The following ASXL3 variants were observed in gnomAD, a reference collection of about 807,000 sequenced individuals.
ASXL3 encodes the protein putative Polycomb group protein ASXL3.
ASXL3 carries 34 observed loss-of-function variants against 170.6 expected under a neutral mutation model. That is an observed-to-expected ratio of 0.20 (90% CI 0.15 to 0.27). The LOEUF (loss-of-function observed/expected upper bound fraction) is 0.27. Among genes scored for constraint, ASXL3 ranks in the 10% least tolerant of loss-of-function variants. The probability of loss-of-function intolerance (pLI) is 1.00; values close to 1 mark genes in which losing one functional copy is unlikely to be tolerated. For synonymous variants in ASXL3, 1,002 were observed against 989.1 expected, an observed-to-expected ratio of 1.01 and a Z score of -0.24; for missense variants, 2,592 against 2,695.3, an observed-to-expected ratio of 0.96 and a Z score of 0.85.
At chr18:33,668,799 G>A (rs549437804) in intron 5 of ASXL3, among the ~76,000 whole-genome samples, 6 of 152,098 alleles carry the variant, frequency 3.9e-5, no homozygotes, top group African/African-American at 1.4e-4. Flanking sequence ...TACCACAAAT[G>A]CTCTAAAAAG....
At chr18:33,584,964 A>G (rs1408928419) in intron 1 of ASXL3, among the ~76,000 whole-genome samples, 1 of 151,722 alleles carries the variant, frequency 6.6e-6, no homozygotes, top group Non-Finnish European at 1.5e-5. Context: ...AAAAAACAAT[A>G]TGGGTGTTTA....
rs2067694264 is a variant in ASXL3 at position 33,743,151 on chromosome 18, C to T, written c.3303C>T (p.His1101=). 2 of 1,613,814 alleles carry T rather than the reference C, an allele frequency of 1.2e-6. No homozygotes were observed. The highest frequency in any genetic ancestry group is 1.1e-5 in the South Asian group (1 of 91,084). ...GTGGAAAGACGAGAACTCTGGCACACATCAAAGAGCAGACAAAGGCTAAGC... is the reference window on the plus strand; with the variant it reads ...GTGGAAAGACGAGAACTCTGGCACATATCAAAGAGCAGACAAAGGCTAAGC... The part of the protein sequence containing the change: ...GEGGKTRTLA[H]IKEQTKAKLF... The change falls in exon 12 of 12, where the codon CAC becomes CAT. Residue 1101 remains histidine, a synonymous_variant. Coordinates refer to ENST00000269197, the MANE Select transcript of ASXL3 (RefSeq NM_030632.3).
At chr18:33,622,809 A>G (rs1416085858) in intron 2 of ASXL3, among the ~76,000 whole-genome samples, 3 of 152,166 alleles carry the variant, frequency 2.0e-5, no homozygotes, top group Admixed American at 6.6e-5. Context: ...ATACACTTGC[A>G]CTGAGCTGAA....
chr18:33,687,683 A>G (rs1385862777), intron 8 of ASXL3, among the ~76,000 whole-genome samples: 3 of 152,046 alleles, frequency 2.0e-5, no homozygotes, highest in African/African-American at 4.8e-5. Context: ...GTTTTCCTAT[A>G]TTTGTACTTC....
At chr18:33,700,479 T>C (rs1187652899) in intron 8 of ASXL3, among the ~76,000 whole-genome samples, 1 of 151,812 alleles carries the variant, frequency 6.6e-6, no homozygotes, top group African/African-American at 2.4e-5. Context: ...AAAGTAGATA[T>C]CAGGATCATG....
chr18:33,699,716 G>A (rs552341339), intron 8 of ASXL3, among the ~76,000 whole-genome samples: 21 of 152,154 alleles, frequency 1.4e-4, no homozygotes, highest in Admixed American at 7.9e-4. Context: ...ACAAAATGGA[G>A]CATTAGATCT....
chr18:33,661,440 A>C (rs1324399094), intron 4 of ASXL3, among the ~76,000 whole-genome samples, 176 bp from the exon 5 acceptor site: 1 of 152,172 alleles, frequency 6.6e-6, no homozygotes, highest in Non-Finnish European at 1.5e-5. Context: ...AATTGCGGCC[A>C]CACAGTTATT....
At chr18:33,586,782 C>T (rs1599370493) in intron 1 of ASXL3, among the ~76,000 whole-genome samples, 1 of 152,150 alleles carries the variant, frequency 6.6e-6, no homozygotes, top group East Asian at 1.9e-4. Flanking sequence ...TGTCTGTCTT[C>T]ATGTATTGTG....
chr18:33,578,743 G>T (rs2064967754), intron 1 of ASXL3, 58 bp downstream of exon 1: 1 of 1,061,712 alleles, frequency 9.4e-7, no homozygotes. Context: ...CGCTCGCCCC[G>T]CGCCGGTCCG....
chr18:33,684,930 T>C (rs572689610), intron 8 of ASXL3, among the ~76,000 whole-genome samples: 1 of 152,062 alleles, frequency 6.6e-6, no homozygotes, highest in Non-Finnish European at 1.5e-5. Flanking sequence ...GGGTACAAAA[T>C]CAAAAGCTAA....
chr18:33,680,272 G>C (rs922007142), intron 7 of ASXL3, among the ~76,000 whole-genome samples: 16 of 152,088 alleles, frequency 1.1e-4, no homozygotes, highest in African/African-American at 3.9e-4. Flanking sequence ...TAGGGTATTA[G>C]ATAATTGATA....
intron 8 of ASXL3, among the ~76,000 whole-genome samples, chr18:33,724,888 T>C (rs924482727): frequency 2.6e-5 from 4 of 152,144 alleles, no homozygotes; most frequent in African/African-American, 9.6e-5. Flanking sequence ...ATCTATCTCC[T>C]TTAGGGAATC....
chr18:33,601,072 C>T (rs2145113030), intron 1 of ASXL3, among the ~76,000 whole-genome samples: 1 of 152,232 alleles, frequency 6.6e-6, no homozygotes, highest in South Asian at 2.1e-4. Context: ...GCAGGCTTTC[C>T]TGTGCCTCAT....
intron 1 of ASXL3, among the ~76,000 whole-genome samples, chr18:33,592,058 G>T (rs183982875): frequency 6.6e-6 from 1 of 152,088 alleles, no homozygotes; most frequent in Non-Finnish European, 1.5e-5. Context: ...AATCAGGGGA[G>T]TCTACCCTCT....
intron 1 of ASXL3, among the ~76,000 whole-genome samples, chr18:33,580,181 T>G (rs2064980151): frequency 6.6e-6 from 1 of 152,264 alleles, no homozygotes; most frequent in South Asian, 2.1e-4. Flanking sequence ...TCTCTCACTC[T>G]GTGGATGAAT....
Position 33,743,586 on chromosome 18 carries a change from G to A in ASXL3, c.3738G>A (p.Ser1246=), listed in dbSNP as rs765317180. 18 of 1,612,892 alleles carry A rather than the reference G, an allele frequency of 1.1e-5. No individual in the cohort carries two copies. The highest frequency in any genetic ancestry group is 1.0e-4 in the Admixed American group (6 of 59,988). The change falls in exon 12 of 12, where the codon TCG becomes TCA. Residue 1246 remains serine, a synonymous_variant. Coordinates refer to ENST00000269197, the MANE Select transcript of ASXL3 (RefSeq NM_030632.3). ...TATCTGTTTGCAGCACTGCTATATC[G>A]GGAGCAATTAAAGAACATCCCTTTG... is the stretch of plus-strand genomic sequence containing the variant. The part of the protein sequence containing the change: ...VPVSVCSTAI[S]GAIKEHPFVS...
At chr18:33,590,119 T>TTTTG (rs1568265377) in intron 1 of ASXL3, among the ~76,000 whole-genome samples, 15 of 147,886 alleles carry the variant, frequency 1.0e-4, no homozygotes, top group Non-Finnish European at 1.8e-4. Context: ...ATGTTTTTTT[T>TTTTG]TTTTTTTTTT....
chr18:33,580,779 C>T (rs1406535906), intron 1 of ASXL3, among the ~76,000 whole-genome samples: 1 of 152,078 alleles, frequency 6.6e-6, no homozygotes, highest in African/African-American at 2.4e-5. Context: ...GAACGATAGA[C>T]CAGATGTCTC....
Position 33,749,699 on chromosome 18 carries a change from A to G in ASXL3, c.*3104A>G, listed in dbSNP as rs908367341. The stretch of plus-strand genomic sequence containing the variant: ...GTGAACTGAGCACCATAGTTATATA[A>G]TATTTCCCTGCGAAGGTCTAGTTTG... On this transcript the variant is annotated 3_prime_UTR_variant, in exon 12 of 12. Transcript: ENST00000269197. 6.6e-6 allele frequency: 1 copy of G among 152,118 alleles called. No individual in the cohort carries two copies. Among genetic ancestry groups the G allele is most frequent in the African/African-American group, 2.4e-5 (1 of 41,422 alleles). The allele number at this position is 152,118 out of a possible 1,614,324, so 9.4% of individuals were successfully genotyped here. A position where few individuals can be genotyped will look rare whatever the true frequency, so the allele number is the denominator to read the frequency against.
Sources: allele counts gnomAD v4.1 joint callset (sites outside exome capture counted in the v4.1 genomes callset), GRCh38; gene constraint gnomAD v4.1.1; transcripts MANE v1.5; gene names NCBI Gene and HGNC (gene_info 2026-07-23, HGNC 2026-07-21).